ARHGAP28: variants seen among roughly 807,000 people sequenced by gnomAD.
ARHGAP28 encodes the protein rho GTPase-activating protein 28.
ARHGAP28 carries 56 observed loss-of-function variants against 90.7 expected under a neutral mutation model. The ratio of observed to expected loss-of-function variants is 0.62; its 90% CI spans 0.50 to 0.77. ARHGAP28 has a LOEUF of 0.77. Among genes scored for constraint, ARHGAP28 ranks in the 30% least tolerant of loss-of-function variants. The pLI, the probability that ARHGAP28 is intolerant of heterozygous loss-of-function variation, is 0.00. For missense variants in ARHGAP28, 869 were observed against 900.9 expected, an observed-to-expected ratio of 0.96 and a Z score of 0.45; for synonymous variants, 308 against 323.3, an observed-to-expected ratio of 0.95 and a Z score of 0.51.
intron 4 of ARHGAP28, among the ~76,000 whole-genome samples, chr18:6,852,771 G>A (rs575491257): frequency 2.6e-4 from 40 of 152,216 alleles, no homozygotes; most frequent in Admixed American, 9.8e-4. Flanking sequence ...AAACTGGGTC[G>A]GTTTGCCCAT....
intron 10 of ARHGAP28, 34 bp from the exon 11 acceptor site, chr18:6,882,103 G>A (rs1380100646): frequency 2.5e-6 from 4 of 1,580,416 alleles, no homozygotes; most frequent in Admixed American, 1.8e-5. Flanking sequence ...TGGTAAAAGT[G>A]CATTGAATAC....
At chr18:6,742,389 C>T (rs768743867) in intron 1 of ARHGAP28, among the ~76,000 whole-genome samples, 2 of 151,930 alleles carry the variant, frequency 1.3e-5, no homozygotes, top group East Asian at 1.9e-4. Flanking sequence ...AGGCTGGCCT[C>T]GAACTGCTGA....
chr18:6,777,317 G>T (rs2143453055), intron 1 of ARHGAP28, among the ~76,000 whole-genome samples: 1 of 152,318 alleles, frequency 6.6e-6, no homozygotes, highest in African/African-American at 2.4e-5. Flanking sequence ...TGGGAAAAAG[G>T]ATTACAGTTA....
intron 1 of ARHGAP28, among the ~76,000 whole-genome samples, chr18:6,794,042 C>G (rs891664847): frequency 2.0e-5 from 3 of 152,038 alleles, no homozygotes; most frequent in African/African-American, 7.2e-5. Context: ...TAAAAATAAA[C>G]AATATTTCTC....
At chr18:6,770,752 G>A (rs913722089) in intron 1 of ARHGAP28, among the ~76,000 whole-genome samples, 1 of 152,114 alleles carries the variant, frequency 6.6e-6, no homozygotes, top group African/African-American at 2.4e-5. Flanking sequence ...CCCTTGGGCA[G>A]CTGAGTGAAG....
intron 14 of ARHGAP28, among the ~76,000 whole-genome samples, chr18:6,891,066 A>C (rs528981715): frequency 1.4e-4 from 22 of 152,342 alleles, no homozygotes; most frequent in Admixed American, 5.9e-4. Flanking sequence ...TACTGCTTTT[A>C]TCTAACTTGA....
chr18:6,760,711 A>C (rs893557049), intron 1 of ARHGAP28, among the ~76,000 whole-genome samples: 1 of 152,204 alleles, frequency 6.6e-6, no homozygotes, highest in African/African-American at 2.4e-5. Context: ...TAGCTATTGC[A>C]ATAGAGCTTT....
rs1345800561 is a variant in ARHGAP28 at position 6,914,681 on chromosome 18, G to C, written c.*2527G>C. ...AAGGGCAGATACTGGGCTTCTACATGCTATCCTTAAGAGCTTCTCCCCCTC... is the reference window on the plus strand; with the variant it reads ...AAGGGCAGATACTGGGCTTCTACATCCTATCCTTAAGAGCTTCTCCCCCTC... On this transcript the variant is annotated 3_prime_UTR_variant, in exon 18 of 18. Coordinates refer to ENST00000383472, the MANE Select transcript of ARHGAP28 (RefSeq NM_001366230.1). 1.3e-5 allele frequency: 2 copies of C among 152,106 alleles called. No individual in the cohort carries two copies. Among genetic ancestry groups the C allele is most frequent in the Non-Finnish European group, 2.9e-5 (2 of 68,006 alleles). The allele number at this position is 152,106 out of a possible 1,614,324, so 9.4% of individuals were successfully genotyped here. A position where few individuals can be genotyped will look rare whatever the true frequency, so the allele number is the denominator to read the frequency against.
chr18:6,889,917 T>A lies in ARHGAP28; in HGVS notation c.1566T>A (p.Ile522=). 1 of 1,614,146 alleles carries A rather than the reference T, an allele frequency of 6.2e-7. No homozygotes were observed. Among genetic ancestry groups the A allele is most frequent in the South Asian group, 1.1e-5 (1 of 91,078 alleles). Residue 522 remains isoleucine (I), a synonymous_variant, in exon 13 of 18, where the codon ATT becomes ATA. Transcript: ENST00000383472. ...TCATGACATTCTTCAATAAAGTGAT[T>A]GCCAATGAATCAAAAAACCGAATGA... ...QALMTFFNKV[I]ANESKNRMSL... is the part of the protein sequence containing the mutation.
At chr18:6,783,259 C>A (rs1192998907) in intron 1 of ARHGAP28, among the ~76,000 whole-genome samples, 1 of 151,986 alleles carries the variant, frequency 6.6e-6, no homozygotes, top group Non-Finnish European at 1.5e-5. Flanking sequence ...TTCCATGTCG[C>A]CCCCCTCGAG....
intron 6 of ARHGAP28, among the ~76,000 whole-genome samples, chr18:6,869,251 TTC>T (rs59583906): frequency 0.13 from 15,881 of 122,206 alleles, 1,126 homozygotes; most frequent in Middle Eastern, 0.17. Context: ...CCTTTTGCCA[TTC>T]TTTTTTTTTT....
intron 3 of ARHGAP28, among the ~76,000 whole-genome samples, chr18:6,846,660 C>A (rs534231097): frequency 1.3e-5 from 2 of 152,276 alleles, no homozygotes; most frequent in African/African-American, 4.8e-5. Context: ...CTCTGCTGTC[C>A]CCATTCCCCT....
chr18:6,882,087 G>A, intron 10 of ARHGAP28, 50 bp from the exon 11 acceptor site: 2 of 1,536,892 alleles, frequency 1.3e-6, no homozygotes, highest in East Asian at 2.3e-5. Flanking sequence ...GGAAAATGGG[G>A]TCAGGTGGTA....
rs899233922 is a variant in ARHGAP28, at chr18:6,841,252, T to C, written c.543+3838T>C. On this transcript the variant is annotated intron_variant, in intron 3 of 17. Transcript: ENST00000383472. ...CCAACCCGCCCCCACCAATTGTGTG[T>C]CTCCCTCCCTATCCCTTGGTCTCCC... Among the ~76,000 whole-genome samples the C allele has an allele frequency of 3.8e-5, 5 of 132,004 alleles. No homozygotes were observed. In the South Asian group the frequency reaches 1.4e-3, roughly 37 times the overall value. The allele number at this position is 132,004 out of a possible 152,430, so 86.6% of individuals were successfully genotyped here.
At chr18:6,884,644 G>A (rs1320395913) in intron 11 of ARHGAP28, among the ~76,000 whole-genome samples, 1 of 152,084 alleles carries the variant, frequency 6.6e-6, no homozygotes, top group East Asian at 1.9e-4. Context: ...TGGTCTTTTG[G>A]GCAGGAGCTC....
chr18:6,837,832 C>A (rs2056766245), intron 3 of ARHGAP28, among the ~76,000 whole-genome samples: 1 of 151,944 alleles, frequency 6.6e-6, no homozygotes, highest in African/African-American at 2.4e-5. Flanking sequence ...GGTAGGGTAG[C>A]CTTTATGTTC....
chr18:6,788,406 A>G (rs1436071595), intron 1 of ARHGAP28: 2 of 152,130 alleles, frequency 1.3e-5, no homozygotes, highest in Non-Finnish European at 2.9e-5. Context: ...TCTTTATGTA[A>G]TAAATTACCC....
chr18:6,746,161 C>T lies in ARHGAP28; in HGVS notation c.122+16218C>T, dbSNP rs145065159. ...TCAGCATTTAAGGTGTTTTACCTTC[C>T]CAAAGCATATATACATTTCTTTAAA... is the stretch of plus-strand genomic sequence containing the variant. On this transcript the variant is annotated intron_variant, in intron 1 of 17. Transcript: ENST00000383472. Among the ~76,000 whole-genome samples the T allele has an allele frequency of 2.2e-3, 340 of 152,216 alleles. 3 individuals are homozygous for T. The Middle Eastern group carries it at 0.027, about 12-fold the overall frequency.
chr18:6,912,036 C>A lies in ARHGAP28; in HGVS notation c.2096-24C>A, dbSNP rs576642381. ...ACACACACACAAATGTACACTAATT[C>A]TCTGATCTTTCTCTTTCTTTTAGGA... On this transcript the variant is annotated intron_variant, in intron 17 of 17. Coordinates refer to ENST00000383472, the MANE Select transcript of ARHGAP28 (RefSeq NM_001366230.1). The A allele has an allele frequency of 3.3e-6, 5 of 1,497,940 alleles. No individual in the cohort carries two copies. The South Asian group carries it at 4.7e-5, about 14-fold the overall frequency. The allele number at this position is 1,497,940 out of a possible 1,614,324, so 92.8% of individuals were successfully genotyped here. A position where few individuals can be genotyped will look rare whatever the true frequency, so the allele number is the denominator to read the frequency against.
Sources: gnomAD v4.1 joint callset for allele counts (sites outside exome capture counted in the v4.1 genomes callset) on GRCh38, gnomAD v4.1.1 for gene constraint, MANE v1.5 for transcripts, NCBI Gene and HGNC (gene_info 2026-07-23, HGNC 2026-07-21) for gene names.